The following KCNS3 variants were observed in gnomAD, a reference collection of about 807,000 sequenced individuals.
KCNS3 encodes delayed-rectifier potassium channel regulatory subunit KCNS3.
Under a neutral mutation model 31.0 loss-of-function variants are expected in KCNS3, and 13 were observed. That is an observed-to-expected ratio of 0.42 (90% CI 0.27 to 0.67). The LOEUF is 0.67. Among genes scored for constraint, KCNS3 ranks in the 30% least tolerant of loss-of-function variants. KCNS3 has a pLI of 0.25. For synonymous variants in KCNS3, 238 were observed against 241.5 expected (o/e 0.99, Z 0.13); for missense variants, 545 against 622.4 (o/e 0.88, Z 1.32).
rs1257953717 is a variant in KCNS3, at chr2:17,917,872, G to A, written c.-60+1G>A. 6.5e-6 allele frequency: 1 copy of A among 152,726 alleles called. No individual in the cohort carries two copies. The highest frequency in any genetic ancestry group is 1.9e-4 in the East Asian group (1 of 5,204). 9.5% of individuals were successfully genotyped at this position (152,726 alleles called of 1,614,324 possible). On this transcript the variant is annotated splice_donor_variant, in intron 2 of 2. Transcript: ENST00000304101. LOFTEE classifies it low-confidence loss of function (5UTR_SPLICE). The stretch of plus-strand genomic sequence containing the variant: ...AGCGTGTGGCATCTCCACCTCAAGG[G>A]TAAGAGTTGCCATTCTATCTTATTT...
chr2:17,886,539 G>C (rs570674930), intron 1 of KCNS3, among the ~76,000 whole-genome samples: 1 of 152,276 alleles, frequency 6.6e-6, no homozygotes, highest in East Asian at 1.9e-4. Context: ...TTGGTGCTCA[G>C]ATGTTACGAA....
intron 1 of KCNS3, among the ~76,000 whole-genome samples, chr2:17,889,802 T>A (rs914338064): frequency 6.6e-6 from 1 of 152,184 alleles, no homozygotes; most frequent in African/African-American, 2.4e-5. Flanking sequence ...TGGATTATCT[T>A]TTTTATGTTG....
chr2:17,893,942 T>TTTTTTTTG (rs1661921703), intron 1 of KCNS3, among the ~76,000 whole-genome samples: 4 of 36,398 alleles, frequency 1.1e-4, no homozygotes, highest in African/African-American at 2.1e-4. Context: ...AGGAGCCAGT[T>TTTTTTTTG]TTTTTTTTTT....
intron 1 of KCNS3, among the ~76,000 whole-genome samples, chr2:17,879,723 C>T (rs567616731): frequency 6.6e-6 from 1 of 152,222 alleles, no homozygotes; most frequent in Admixed American, 6.5e-5. Context: ...AAAGGAGCAC[C>T]TTTTGCATTC....
At chr2:17,898,179 A>G (rs1276601544) in intron 1 of KCNS3, among the ~76,000 whole-genome samples, 1 of 149,810 alleles carries the variant, frequency 6.7e-6, no homozygotes, top group Admixed American at 6.6e-5. Flanking sequence ...TTATACCAGT[A>G]CCATGCTGTT....
At chr2:17,909,860 A>AT (rs759374181) in intron 1 of KCNS3, among the ~76,000 whole-genome samples, 1 of 152,186 alleles carries the variant, frequency 6.6e-6, no homozygotes, top group Non-Finnish European at 1.5e-5. Flanking sequence ...GATCAGACAA[A>AT]TGAAGTTAGG....
rs1572476030 is a variant in KCNS3 at position 17,884,533 on chromosome 2, T to C, written c.-252+5727T>C. Among the ~76,000 whole-genome samples the C allele has an allele frequency of 2.0e-5, 3 of 152,034 alleles. No homozygotes were observed. The East Asian group carries it at 5.8e-4, about 29-fold the overall frequency. On this transcript the variant is annotated intron_variant, in intron 1 of 2. Coordinates refer to ENST00000304101, the MANE Select transcript of KCNS3 (RefSeq NM_002252.5). ...AAGCCTCGTTTGGAGGTGTGTTGTG[T>C]GTTGCAGAAGTGGAACCTAAAGTGA...
chr2:17,904,154 A>G (rs1426090437), intron 1 of KCNS3, among the ~76,000 whole-genome samples: 1 of 152,214 alleles, frequency 6.6e-6, no homozygotes, highest in Non-Finnish European at 1.5e-5. Context: ...TGCCATTGTA[A>G]CTGGTGTGAG....
chr2:17,887,484 G>GATCTATCTATCTATCTATCT (rs55654719), intron 1 of KCNS3, among the ~76,000 whole-genome samples: 287 of 146,356 alleles, frequency 2.0e-3, no homozygotes, highest in East Asian at 2.8e-3. Context: ...TCTATCATAT[G>GATCTATCTATCTATCTATCT]ATCTATCTAT....
At chr2:17,878,332 G>C (rs1188341436), upstream of KCNS3, among the ~76,000 whole-genome samples, 2 of 152,084 alleles carry the variant, frequency 1.3e-5, no homozygotes, top group African/African-American at 2.4e-5. Flanking sequence ...AGGAGGGCGC[G>C]CAGGTGGGAG....
intron 1 of KCNS3, among the ~76,000 whole-genome samples, chr2:17,898,837 G>A (rs950207531): frequency 6.6e-6 from 1 of 152,160 alleles, no homozygotes; most frequent in Non-Finnish European, 1.5e-5. Context: ...CCTAGAGTGG[G>A]TCAAATTAGC....
At chr2:17,916,857 T>TTTC (rs199713355) in intron 1 of KCNS3, among the ~76,000 whole-genome samples, 1 of 151,778 alleles carries the variant, frequency 6.6e-6, no homozygotes, top group African/African-American at 2.4e-5. Context: ...GAATCAATAT[T>TTTC]TTCTTCTTCT....
chr2:17,891,037 A>G (rs1225921830), intron 1 of KCNS3, among the ~76,000 whole-genome samples: 1 of 151,982 alleles, frequency 6.6e-6, no homozygotes, highest in African/African-American at 2.4e-5. Context: ...ATGTCCCCTG[A>G]TATTGTTGCT....
intron 2 of KCNS3, 123 bp downstream of exon 2, chr2:17,917,994 T>G (rs755376387): frequency 6.5e-6 from 1 of 152,694 alleles, no homozygotes; most frequent in East Asian, 1.9e-4. Flanking sequence ...TCAAATCCAC[T>G]GGGCAGTTGG....
chr2:17,930,563 C>T (rs1357342139), intron 2 of KCNS3, among the ~76,000 whole-genome samples: 2 of 152,142 alleles, frequency 1.3e-5, no homozygotes, highest in Non-Finnish European at 2.9e-5. Context: ...TGAGTTTTCC[C>T]AAACATGAAG....
intron 1 of KCNS3, among the ~76,000 whole-genome samples, chr2:17,884,932 G>GTTTTTTTTTT (rs55738585): frequency 7.8e-6 from 1 of 128,004 alleles, no homozygotes; most frequent in African/African-American, 2.9e-5. Context: ...CTTCCCTGTT[G>GTTTTTTTTTT]TTTTTTTTTT....
chr2:17,907,297 C>T (rs1199558968), intron 1 of KCNS3, among the ~76,000 whole-genome samples: 4 of 152,084 alleles, frequency 2.6e-5, no homozygotes, highest in South Asian at 4.1e-4. Flanking sequence ...GTTTCTTTTG[C>T]TTTCCATTTG....
At chr2:17,923,117 A>G (rs980293142) in intron 2 of KCNS3, among the ~76,000 whole-genome samples, 1 of 152,220 alleles carries the variant, frequency 6.6e-6, no homozygotes, top group Non-Finnish European at 1.5e-5. Flanking sequence ...CTGATGTATC[A>G]TAATACAACA....
chr2:17,926,120 G>A (rs1662832106), intron 2 of KCNS3, among the ~76,000 whole-genome samples: 2 of 152,196 alleles, frequency 1.3e-5, no homozygotes. Flanking sequence ...CATCAGGGGA[G>A]CCATTAAGTC....
Sources: allele counts gnomAD v4.1 joint callset (sites outside exome capture counted in the v4.1 genomes callset), GRCh38; gene constraint gnomAD v4.1.1; transcripts MANE v1.5; gene names NCBI Gene and HGNC (gene_info 2026-07-23, HGNC 2026-07-21).